The following NALF1 variants were observed in gnomAD, a reference collection of about 807,000 sequenced individuals.
NALF1 encodes family with sequence similarity 155 member A.
A neutral mutation model predicts 48.4 loss-of-function variants in NALF1; 3 were observed. The observed-to-expected ratio is 0.06, with a 90% CI of 0.03 to 0.16. The LOEUF is 0.16. Ranked by LOEUF, NALF1 falls within the 10% of genes least tolerant of loss-of-function variation. NALF1 has a pLI of 1.00. For missense variants in NALF1, 526 were observed against 571.5 expected, an observed-to-expected ratio of 0.92 and a Z score of 0.81; for synonymous variants, 262 against 245.7, an observed-to-expected ratio of 1.07 and a Z score of -0.62.
rs1883075305 is a variant in NALF1, at chr13:107,362,247, A to G, written c.916-151492T>C. ...ACAGCTTTATGATATTCATGTAAAC[A>G]GGAAGGAATAGTTGTATTCATTTTC... is the stretch of plus-strand genomic sequence containing the variant. On this transcript the variant is annotated intron_variant, in intron 1 of 2. Transcript: ENST00000375915. The surrounding 1 kb of genome is among the most constrained non-coding windows in gnomAD (Gnocchi z 4.6). 6.6e-6 allele frequency among the ~76,000 whole-genome samples: 1 copy of G among 152,320 alleles called. No individual in the cohort carries two copies. Among genetic ancestry groups the G allele is most frequent in the Middle Eastern group, 3.4e-3 (1 of 294 alleles).
At chr13:107,586,240 C>A (rs1021402369) in intron 1 of NALF1, among the ~76,000 whole-genome samples, 5 of 152,040 alleles carry the variant, frequency 3.3e-5, no homozygotes, top group African/African-American at 4.8e-5. Context: ...AATCTTAATC[C>A]CACTTTTCTC....
chr13:107,546,840 T>A (rs890671652), intron 1 of NALF1, among the ~76,000 whole-genome samples: 3 of 152,290 alleles, frequency 2.0e-5, no homozygotes, highest in Non-Finnish European at 4.4e-5. Context: ...CTCAGTATAC[T>A]TGAGTGCCTA....
At chr13:107,194,534 A>C (rs1879352708) in intron 2 of NALF1, among the ~76,000 whole-genome samples, 1 of 152,192 alleles carries the variant, frequency 6.6e-6, no homozygotes, top group Non-Finnish European at 1.5e-5. Context: ...AGAAGAATAA[A>C]ACTGGAGCCC....
chr13:107,828,014 C>G (rs1325206728), intron 1 of NALF1, among the ~76,000 whole-genome samples: 1 of 152,168 alleles, frequency 6.6e-6, no homozygotes, highest in Non-Finnish European at 1.5e-5. Context: ...TCAGAACCTA[C>G]TTCTACCCTG....
At chr13:107,702,801 A>C (rs1881855207) in intron 1 of NALF1, among the ~76,000 whole-genome samples, 1 of 151,764 alleles carries the variant, frequency 6.6e-6, no homozygotes, top group Non-Finnish European at 1.5e-5. Flanking sequence ...GCAGTTTTTG[A>C]TTTTCTGTGC....
intron 1 of NALF1, among the ~76,000 whole-genome samples, chr13:107,457,789 C>G (rs1379094077): frequency 6.6e-6 from 1 of 152,186 alleles, no homozygotes; most frequent in East Asian, 1.9e-4. Flanking sequence ...GGAAGCTTCC[C>G]TGTTCCATTT....
chr13:107,242,723 T>C (rs76215249), intron 1 of NALF1, among the ~76,000 whole-genome samples: 2,143 of 152,280 alleles, frequency 0.014, 50 homozygotes, highest in African/African-American at 0.049. Flanking sequence ...AGGCTCGGTT[T>C]ATAGTCTCCG....
chr13:107,494,121 T>G (rs1237773701), intron 1 of NALF1, among the ~76,000 whole-genome samples: 1 of 138,656 alleles, frequency 7.2e-6, no homozygotes, highest in Non-Finnish European at 1.5e-5. Flanking sequence ...GAACTACTGA[T>G]AAAAACAGAA....
rs952056110 is a variant in NALF1, at chr13:107,699,698, G to A, written c.915+165984C>T. Among the ~76,000 whole-genome samples, 2 of 152,132 alleles carry A rather than the reference G, an allele frequency of 1.3e-5. 1 individual carries two copies. On this transcript the variant is annotated intron_variant, in intron 1 of 2. Coordinates refer to ENST00000375915, the MANE Select transcript of NALF1 (RefSeq NM_001080396.3). The stretch of plus-strand genomic sequence containing the variant: ...ATCAGACAAGAAAAAGCAATAAAAG[G>A]CATCCAAATCAGAAAGGAACAAGTA...
At chr13:107,470,238 T>C (rs1460459975) in intron 1 of NALF1, among the ~76,000 whole-genome samples, 1 of 152,244 alleles carries the variant, frequency 6.6e-6, no homozygotes, top group East Asian at 1.9e-4. Flanking sequence ...TCATTTTAAA[T>C]TTACTTCCTT....
chr13:107,597,922 C>T (rs1460111050), intron 1 of NALF1, among the ~76,000 whole-genome samples: 2 of 152,064 alleles, frequency 1.3e-5, no homozygotes, highest in Non-Finnish European at 2.9e-5. Context: ...AGGAAACTAA[C>T]CCCTTCAGGA....
At chr13:107,196,068 C>T (rs916067896) in intron 2 of NALF1, among the ~76,000 whole-genome samples, 26 of 152,254 alleles carry the variant, frequency 1.7e-4, no homozygotes, top group African/African-American at 6.0e-4. Flanking sequence ...CCAAATACTG[C>T]ATGTTCACGC....
intron 1 of NALF1, among the ~76,000 whole-genome samples, chr13:107,248,420 T>C (rs552692342): frequency 2.9e-4 from 44 of 152,028 alleles, no homozygotes; most frequent in African/African-American, 9.9e-4. Flanking sequence ...GTTGGTATTG[T>C]AAACAACACC....
At chr13:107,618,107 A>G (rs558886350) in intron 1 of NALF1, among the ~76,000 whole-genome samples, 1 of 152,330 alleles carries the variant, frequency 6.6e-6, no homozygotes, top group Admixed American at 6.5e-5. Flanking sequence ...TGTGGAGCAT[A>G]TAAACAGGGC....
chr13:107,371,283 C>CA (rs1054098965), intron 1 of NALF1, among the ~76,000 whole-genome samples: 1 of 151,866 alleles, frequency 6.6e-6, no homozygotes, highest in Admixed American at 6.6e-5. Context: ...CCTGTCTCTA[C>CA]AAAAAATTGA....
chr13:107,609,649 A>G (rs981670735), intron 1 of NALF1, among the ~76,000 whole-genome samples: 1 of 152,256 alleles, frequency 6.6e-6, no homozygotes, highest in Admixed American at 6.5e-5. Flanking sequence ...TGTTTTTAAC[A>G]GTATTATTAG....
rs12430853 is a variant in NALF1, at chr13:107,601,989, C to T, written c.915+263693G>A. On this transcript the variant is annotated intron_variant, in intron 1 of 2. Coordinates refer to ENST00000375915, the MANE Select transcript of NALF1 (RefSeq NM_001080396.3). ...ACAAATTTCCCATTGTTTCCTTGAA[C>T]ATTTTTTCTTCAAATTCAATATGAC... Among the ~76,000 whole-genome samples, 3,126 of 152,096 alleles carry T rather than the reference C, an allele frequency of 0.021. 216 individuals carry two copies. In the East Asian group the frequency reaches 0.26, roughly 13 times the overall value.
At chr13:107,528,414 G>T (rs184994048) in intron 1 of NALF1, among the ~76,000 whole-genome samples, 1 of 152,052 alleles carries the variant, frequency 6.6e-6, no homozygotes, top group Admixed American at 6.6e-5. Flanking sequence ...GGATTCATAC[G>T]TTCTTTTAGA....
intron 1 of NALF1, among the ~76,000 whole-genome samples, chr13:107,704,805 T>C (rs924434977): frequency 6.6e-5 from 10 of 152,188 alleles, no homozygotes; most frequent in African/African-American, 1.2e-4. Context: ...TGAGATGCCC[T>C]GCGTCTCAAT....
Sources: allele counts gnomAD v4.1 joint callset (sites outside exome capture counted in the v4.1 genomes callset), GRCh38; gene constraint gnomAD v4.1.1; non-coding constraint Gnocchi (gnomAD v3.1); transcripts MANE v1.5; gene names NCBI Gene and HGNC (gene_info 2026-07-23, HGNC 2026-07-21).